Variants in EDEM1 observed in about 807,000 individuals in gnomAD.
EDEM1 encodes ER degradation-enhancing alpha-mannosidase-like protein 1.
A neutral mutation model predicts 74.4 loss-of-function variants in EDEM1; 67 were observed. The ratio of observed to expected loss-of-function variants is 0.90; its 90% CI spans 0.74 to 1.10. The LOEUF (loss-of-function observed/expected upper bound fraction) is 1.10. Among genes scored for constraint, EDEM1 ranks in the 50% least tolerant of loss-of-function variants. EDEM1 has a pLI of 0.00. For missense variants in EDEM1, 926 were observed against 851.6 expected (o/e 1.09, Z -1.09); for synonymous variants, 382 against 335.9 (o/e 1.14, Z -1.50).
In EDEM1 at chr3:5,216,822, G is replaced by C. The variant is rs973408888; in HGVS notation, c.*904G>C. The C allele has an allele frequency of 1.3e-5, 2 of 152,620 alleles. No homozygotes were observed. The highest frequency in any genetic ancestry group is 2.9e-5 in the Non-Finnish European group (2 of 68,030). The allele number at this position is 152,620 out of a possible 1,614,324, so 9.5% of individuals were successfully genotyped here. A position where few individuals can be genotyped will look rare whatever the true frequency, so the allele number is the denominator to read the frequency against. On this transcript the variant is annotated 3_prime_UTR_variant, in exon 12 of 12. Transcript: ENST00000256497. ...CAGAATCAGGTGCCTTTTAGGGAGAGAACAATACCTAAGATTGTCTGAGCT... is the reference window on the plus strand; with the variant it reads ...CAGAATCAGGTGCCTTTTAGGGAGACAACAATACCTAAGATTGTCTGAGCT...
chr3:5,212,898 A>G (rs552965057), intron 10 of EDEM1, among the ~76,000 whole-genome samples: 65 of 152,346 alleles, frequency 4.3e-4, no homozygotes, highest in African/African-American at 1.5e-3. Flanking sequence ...GGTGGTGGAT[A>G]AAACTTGGTC....
chr3:5,197,380 C>A (rs1045516302), intron 2 of EDEM1, among the ~76,000 whole-genome samples: 2 of 152,098 alleles, frequency 1.3e-5, no homozygotes, highest in African/African-American at 4.8e-5. Flanking sequence ...ACAAACAAAC[C>A]CATTTAGCTC....
intron 3 of EDEM1, 72 bp downstream of exon 3, chr3:5,199,767 A>AAAG (rs1344614878): frequency 7.5e-7 from 1 of 1,339,228 alleles, no homozygotes; most frequent in Non-Finnish European, 1.0e-6. Flanking sequence ...AATACCTTTG[A>AAAG]GGGTCTTTTT....
At chr3:5,210,623 T>C (rs1383992024) in intron 9 of EDEM1, among the ~76,000 whole-genome samples, 1 of 152,132 alleles carries the variant, frequency 6.6e-6, no homozygotes, top group Non-Finnish European at 1.5e-5. Context: ...ATCTTTTAAA[T>C]ATTTTTATAT....
chr3:5,213,585 A>C (rs2055194572), intron 11 of EDEM1, 63 bp downstream of exon 11: 1 of 1,473,788 alleles, frequency 6.8e-7, no homozygotes, highest in African/African-American at 1.4e-5. Context: ...TGAATTGCTT[A>C]GTTGTTCAGA....
At position 5,188,120 on chromosome 3, in the gene EDEM1, C is replaced by A. The variant is rs371608263; in HGVS notation, c.315C>A (p.Gly105=). The part of the protein sequence containing the change: ...CGPANWGYVL[G]GRGRGPDEYE... ...CAGCCAACTGGGGCTACGTGCTGGG[C>A]GGCCGGGGCCGCGGCCCGGACGAGT... Residue 105 remains glycine (G), a synonymous_variant, in exon 1 of 12, where the codon GGC becomes GGA. Coordinates refer to ENST00000256497, the MANE Select transcript of EDEM1 (RefSeq NM_014674.3). 94 of 1,522,620 alleles carry A rather than the reference C, an allele frequency of 6.2e-5. No individual in the cohort carries two copies. The African/African-American group carries it at 1.2e-3, about 19-fold the overall frequency. The allele number at this position is 1,522,620 out of a possible 1,614,324, so 94.3% of individuals were successfully genotyped here.
At chr3:5,208,716 A>G (rs2055129560) in intron 8 of EDEM1, among the ~76,000 whole-genome samples, 1 of 151,190 alleles carries the variant, frequency 6.6e-6, no homozygotes, top group Non-Finnish European at 1.5e-5. Context: ...ATTCATCTGG[A>G]TGCCTGTTTT....
At position 5,188,030 on chromosome 3, in the gene EDEM1, G is replaced by A. The variant is rs1186865793; in HGVS notation, c.225G>A (p.Pro75=). 6.2e-6 allele frequency: 9 copies of A among 1,452,668 alleles called. No homozygotes were observed. The highest frequency in any genetic ancestry group is 2.8e-5 in the South Asian group (2 of 70,226). The allele number at this position is 1,452,668 out of a possible 1,614,324, so 90.0% of individuals were successfully genotyped here. Residue 75 remains proline (P), a synonymous_variant, in exon 1 of 12, where the codon CCG becomes CCA. Coordinates refer to ENST00000256497, the MANE Select transcript of EDEM1 (RefSeq NM_014674.3). Reference sequence around the variant, plus strand: ...CCGGGCCGTCGTGGCTGCAGCCGCCGGGGACCGGGGCAGCGCAGAGCCCGC... The same window carrying A: ...CCGGGCCGTCGTGGCTGCAGCCGCCAGGGACCGGGGCAGCGCAGAGCCCGC... ...GVSGPSWLQP[P]GTGAAQSPRK... is the part of the protein sequence containing the mutation.
intron 10 of EDEM1, among the ~76,000 whole-genome samples, chr3:5,212,646 A>AAG (rs1281351329): frequency 1.3e-5 from 2 of 152,186 alleles, no homozygotes; most frequent in African/African-American, 4.8e-5. Context: ...TAAAGTTTCA[A>AAG]AGAGTTTCTA....
chr3:5,213,552 A>T (rs2055194285), intron 11 of EDEM1, 30 bp downstream of exon 11: 1 of 1,572,476 alleles, frequency 6.4e-7, no homozygotes, highest in African/African-American at 1.4e-5. Flanking sequence ...GGTGATTTGC[A>T]TATAGAGGAA....
At chr3:5,196,218 C>T (rs182064369) in intron 2 of EDEM1, among the ~76,000 whole-genome samples, 15 of 152,182 alleles carry the variant, frequency 9.9e-5, no homozygotes, top group Admixed American at 7.9e-4. Context: ...GCACTTAGGG[C>T]GGTTGAGGTG....
At chr3:5,211,274 G>A (rs751154047) in intron 10 of EDEM1, 58 bp downstream of exon 10, 21 of 1,514,602 alleles carry the variant, frequency 1.4e-5, no homozygotes, top group South Asian at 1.3e-4. Flanking sequence ...GCAAGCATTC[G>A]CATAGTCTTC....
chr3:5,213,519 C>T lies in EDEM1; in HGVS notation c.1881C>T (p.Ser627=). Residue 627 remains serine, a synonymous_variant, in exon 11 of 12, where the codon TCC becomes TCT. Transcript: ENST00000256497. ...PHELKVINSS[S]NCNRVPDERR... ...AGTTAAAAGTCATCAACTCCAGCTC[C>T]AACGTGAGTTGCTTTTTCCAGGGGT... 1.9e-6 allele frequency: 3 copies of T among 1,603,706 alleles called. No individual in the cohort carries two copies. Among genetic ancestry groups the T allele is most frequent in the Non-Finnish European group, 2.6e-6 (3 of 1,173,764 alleles).
intron 11 of EDEM1, 145 bp from the exon 12 acceptor site, chr3:5,215,684 T>C: frequency 1.4e-6 from 1 of 729,736 alleles, no homozygotes; most frequent in Non-Finnish European, 2.4e-6. Context: ...CTGACCGTCC[T>C]GCAGTGTACA....
rs940307153 is a variant in EDEM1, at chr3:5,217,508, A to G, written c.*1590A>G. 1.3e-5 allele frequency: 2 copies of G among 152,642 alleles called. No individual in the cohort carries two copies. The highest frequency in any genetic ancestry group is 2.9e-5 in the Non-Finnish European group (2 of 68,036). 9.5% of individuals were successfully genotyped at this position (152,642 alleles called of 1,614,324 possible). On this transcript the variant is annotated 3_prime_UTR_variant, in exon 12 of 12. Transcript: ENST00000256497. ...TTGCATTTTTAGTCAAAAGGGAGAA[A>G]TCTTATTCCTTCTTGAAAATTTTAA...
chr3:5,188,016 T>C lies in EDEM1; in HGVS notation c.211T>C (p.Trp71Arg). Residue 71 changes from tryptophan (W) to arginine (R), a missense_variant, in exon 1 of 12, where the codon TGG (tryptophan) becomes CGG (arginine). By Grantham distance (101) the Trp-to-Arg change is moderately radical (BLOSUM62 -3). Transcript: ENST00000256497. ...GRPGGVSGPS[W>R]LQPPGTGAAQ... Reference sequence around the variant, plus strand: ...GCCTGGGGGGGTATCCGGGCCGTCGTGGCTGCAGCCGCCGGGGACCGGGGC... The same window carrying C: ...GCCTGGGGGGGTATCCGGGCCGTCGCGGCTGCAGCCGCCGGGGACCGGGGC... 6.8e-7 allele frequency: 1 copy of C among 1,472,294 alleles called. No individual in the cohort carries two copies. Among genetic ancestry groups the C allele is most frequent in the Non-Finnish European group, 9.0e-7 (1 of 1,115,630 alleles). The allele number at this position is 1,472,294 out of a possible 1,614,324, so 91.2% of individuals were successfully genotyped here. A position where few individuals can be genotyped will look rare whatever the true frequency, so the allele number is the denominator to read the frequency against.
chr3:5,191,550 T>TA (rs2054902163), intron 1 of EDEM1, among the ~76,000 whole-genome samples: 1 of 152,244 alleles, frequency 6.6e-6, no homozygotes, highest in Middle Eastern at 3.4e-3. Flanking sequence ...TTTCAGATTT[T>TA]AAAAAATCAA....
In EDEM1 at chr3:5,188,207, A is replaced by C. The variant is rs1053556401; in HGVS notation, c.402A>C (p.Ala134=). 3 of 1,582,482 alleles carry C rather than the reference A, an allele frequency of 1.9e-6. No individual in the cohort carries two copies. Among genetic ancestry groups the C allele is most frequent in the Non-Finnish European group, 2.6e-6 (3 of 1,166,490 alleles). Residue 134 remains alanine (A), a synonymous_variant, in exon 1 of 12, where the codon GCA becomes GCC. Coordinates refer to ENST00000256497, the MANE Select transcript of EDEM1 (RefSeq NM_014674.3). ...PQLRAQMRDL[A]RGMFVFGYDN... ...TGCGTGCCCAGATGCGCGACCTGGC[A>C]CGGGGCATGTTCGTCTTTGGCTACG...
chr3:5,199,567 A>G (rs2055009417), intron 2 of EDEM1, 25 bp from the exon 3 acceptor site: 4 of 1,565,602 alleles, frequency 2.6e-6, no homozygotes, highest in African/African-American at 1.4e-5. Flanking sequence ...AGTTGCTGTA[A>G]TGACCTGTGT....
Sources: gnomAD v4.1 joint callset for allele counts (sites outside exome capture counted in the v4.1 genomes callset) on GRCh38, gnomAD v4.1.1 for gene constraint, MANE v1.5 for transcripts, NCBI Gene and HGNC (gene_info 2026-07-23, HGNC 2026-07-21) for gene names.